Variants in DNMT3A observed in about 807,000 individuals in gnomAD.
The protein encoded by DNMT3A is DNA (cytosine-5)-methyltransferase 3A.
A neutral mutation model predicts 117.6 loss-of-function variants in DNMT3A; 267 were observed. The observed-to-expected ratio is 2.27, with a 90% CI of 2.05 to 2.51. The LOEUF is 2.51. Ranked by LOEUF, DNMT3A falls within the 30% of genes most tolerant of loss-of-function variation. DNMT3A has a pLI of 0.00. For missense variants in DNMT3A, 1,029 were observed against 1,260.2 expected, an observed-to-expected ratio of 0.82 and a Z score of 2.78; for synonymous variants, 432 against 474.8, an observed-to-expected ratio of 0.91 and a Z score of 1.17.
chr2:25,285,644 T>C (rs1001277801), intron 3 of DNMT3A, among the ~76,000 whole-genome samples: 1 of 152,216 alleles, frequency 6.6e-6, no homozygotes, highest in African/African-American at 2.4e-5. Flanking sequence ...CTTGGGCTGA[T>C]GCCAGCAGAG....
rs1043917756 is a variant in DNMT3A, at chr2:25,235,654, C to A, written c.2597+53G>T. On this transcript the variant is annotated intron_variant, in intron 22 of 22. Coordinates refer to ENST00000321117, the MANE Select transcript of DNMT3A (RefSeq NM_022552.5). ...AAAGGCAGAGGACCCCCGCAGCAAG[C>A]ACAGCAATCAGAACAGCCACACCGC... The A allele has an allele frequency of 3.5e-6, 5 of 1,443,042 alleles. No homozygotes were observed. In the South Asian group the frequency reaches 4.6e-5, roughly 13 times the overall value. 89.4% of individuals were successfully genotyped at this position (1,443,042 alleles called of 1,614,324 possible). A position where few individuals can be genotyped will look rare whatever the true frequency, so the allele number is the denominator to read the frequency against.
chr2:25,245,916 G>T, intron 12 of DNMT3A, 104 bp downstream of exon 12: 1 of 1,399,660 alleles, frequency 7.1e-7, no homozygotes, highest in Non-Finnish European at 1.0e-6. Context: ...GTGACACGCA[G>T]GACGTGGCCC....
In DNMT3A at chr2:25,314,091, G is replaced by A; in HGVS notation, c.-107C>T. ...AGGCGAGAGTTAAAACTTAAACATA[G>A]ATCCCGGTGTTGAGCCCTCTGGTGA... On this transcript the variant is annotated 5_prime_UTR_variant, in exon 2 of 23. Coordinates refer to ENST00000321117, the MANE Select transcript of DNMT3A (RefSeq NM_022552.5). 1 of 1,439,314 alleles carries A rather than the reference G, an allele frequency of 6.9e-7. No homozygotes were observed. The highest frequency in any genetic ancestry group is 2.5e-5 in the East Asian group (1 of 39,274). The allele number at this position is 1,439,314 out of a possible 1,614,324, so 89.2% of individuals were successfully genotyped here. A position where few individuals can be genotyped will look rare whatever the true frequency, so the allele number is the denominator to read the frequency against.
At chr2:25,263,271 G>GAAGCTTTCCTGGAGTCCTCCAGA (rs371759502) in intron 6 of DNMT3A, among the ~76,000 whole-genome samples, 12 of 152,090 alleles carry the variant, frequency 7.9e-5, no homozygotes, top group African/African-American at 9.6e-5. Context: ...CCTCCTCCAG[G>GAAGCTTTCCTGGAGTCCTCCAGA]AAGCTTTCCT....
At chr2:25,335,262 T>C (rs1249669525) in intron 1 of DNMT3A, among the ~76,000 whole-genome samples, 1 of 152,224 alleles carries the variant, frequency 6.6e-6, no homozygotes, top group Non-Finnish European at 1.5e-5. Flanking sequence ...TGCATTTATT[T>C]ATCACTTCGG....
chr2:25,270,897 G>A (rs889166606), intron 6 of DNMT3A, among the ~76,000 whole-genome samples: 4 of 152,314 alleles, frequency 2.6e-5, no homozygotes, highest in East Asian at 3.9e-4. Flanking sequence ...GGTGGTGCAC[G>A]CCTGTAATCC....
chr2:25,306,816 G>A lies in DNMT3A; in HGVS notation c.73-6573C>T, dbSNP rs897139141. 3.9e-5 allele frequency among the ~76,000 whole-genome samples: 6 copies of A among 152,208 alleles called. No homozygotes were observed. Among genetic ancestry groups the A allele is most frequent in the Admixed American group, 1.3e-4 (2 of 15,280 alleles). Reference sequence around the variant, plus strand: ...CAAAGATAAACAAATAGGAAACTCGGTTCAGAGGGAGACAACAACATGTAA... The same window carrying A: ...CAAAGATAAACAAATAGGAAACTCGATTCAGAGGGAGACAACAACATGTAA... On this transcript the variant is annotated intron_variant, in intron 2 of 22. Transcript: ENST00000321117. This position sits in a 1 kb window ranked among gnomAD's most constrained non-coding sequence, Gnocchi z 4.1.
chr2:25,241,703 G>C lies in DNMT3A; in HGVS notation c.1941C>G (p.Leu647=), dbSNP rs1573317379. ...GAATGCCCAAGTCCTTCAGCACCAG[G>C]AGCCCTGCACCAGCCAGCAGACAGC... ...LSLFDGIATG[L]LVLKDLGIQV... The change falls in exon 17 of 23, where the codon CTC becomes CTG. Residue 647 remains leucine (L), a synonymous_variant. Coordinates refer to ENST00000321117, the MANE Select transcript of DNMT3A (RefSeq NM_022552.5). The C allele has an allele frequency of 1.2e-6, 2 of 1,613,706 alleles. No individual in the cohort carries two copies. Among genetic ancestry groups the C allele is most frequent in the Non-Finnish European group, 1.7e-6 (2 of 1,179,876 alleles).
chr2:25,300,701 CTAAATAATATAAT>C (rs2033406875), intron 2 of DNMT3A, among the ~76,000 whole-genome samples: 1 of 28,738 alleles, frequency 3.5e-5, no homozygotes, highest in Non-Finnish European at 6.9e-5. Context: ...ATTTATATAT[CTAAATAATATAAT>C]ATATATATAT....
chr2:25,253,980 G>A (rs1675892900), intron 6 of DNMT3A, among the ~76,000 whole-genome samples: 1 of 151,680 alleles, frequency 6.6e-6, no homozygotes, highest in East Asian at 1.9e-4. Flanking sequence ...GCTGAGGCAA[G>A]AGAATCGCTT....
intron 1 of DNMT3A, chr2:25,328,595 CA>C (rs1444863268): frequency 8.3e-6 from 4 of 480,668 alleles, no homozygotes; most frequent in African/African-American, 3.9e-5. Flanking sequence ...CCCCCGCCCA[CA>C]GCTTGTCCCC....
intron 1 of DNMT3A, among the ~76,000 whole-genome samples, chr2:25,334,659 C>T (rs1019637007): frequency 2.6e-5 from 4 of 152,234 alleles, no homozygotes; most frequent in South Asian, 2.1e-4. Context: ...CTGTCCCTGG[C>T]GTGGGCCAGG....
In DNMT3A at chr2:25,302,105, A is replaced by G. The variant is rs564522837; in HGVS notation, c.73-1862T>C. Among the ~76,000 whole-genome samples, 4 of 152,280 alleles carry G rather than the reference A, an allele frequency of 2.6e-5. No individual in the cohort carries two copies. In the South Asian group the frequency reaches 8.3e-4, roughly 32 times the overall value. Reference sequence around the variant, plus strand: ...CAAGTTCTGGGAGGCCTCCAAAGACATGCACATGGAGGGTGAACAGAGGTG... The same window carrying G: ...CAAGTTCTGGGAGGCCTCCAAAGACGTGCACATGGAGGGTGAACAGAGGTG... On this transcript the variant is annotated intron_variant, in intron 2 of 22. Coordinates refer to ENST00000321117, the MANE Select transcript of DNMT3A (RefSeq NM_022552.5).
At chr2:25,340,800 C>G (rs1391313207) in intron 1 of DNMT3A, among the ~76,000 whole-genome samples, 4 of 150,548 alleles carry the variant, frequency 2.7e-5, no homozygotes, top group Non-Finnish European at 5.9e-5. Flanking sequence ...GCGTACCCCC[C>G]CTGCGCCGCT....
chr2:25,309,359 G>T (rs1308597370), intron 2 of DNMT3A, among the ~76,000 whole-genome samples: 1 of 152,258 alleles, frequency 6.6e-6, no homozygotes, highest in African/African-American at 2.4e-5. Flanking sequence ...GGAAGAAATG[G>T]TAAGAAGCTG....
chr2:25,261,601 C>T (rs1268944650), intron 6 of DNMT3A, among the ~76,000 whole-genome samples: 10 of 60,984 alleles, frequency 1.6e-4, no homozygotes, highest in Admixed American at 5.5e-4. Flanking sequence ...AGTGAGACTC[C>T]GTCTCAAAAA....
At position 25,327,999 on chromosome 2, in the gene DNMT3A, G is replaced by C. The variant is rs1449762464; in HGVS notation, c.-178+13827C>G. Among the ~76,000 whole-genome samples the C allele has an allele frequency of 2.0e-5, 3 of 152,162 alleles. No homozygotes were observed. The highest frequency in any genetic ancestry group is 4.2e-4 in the South Asian group (2 of 4,808). On this transcript the variant is annotated intron_variant, in intron 1 of 22. Transcript: ENST00000321117. The surrounding 1 kb of genome is among the most constrained non-coding windows in gnomAD (Gnocchi z 4.1). ...CTTGTGTCTGTGGCACAATAACCTG[G>C]TAGATGCCCTGGAGCGGGTCCACCT... is the stretch of plus-strand genomic sequence containing the variant.
Position 25,313,998 on chromosome 2 carries a change from G to A in DNMT3A, c.-14C>T. 6.5e-7 allele frequency: 1 copy of A among 1,536,040 alleles called. No individual in the cohort carries two copies. Among genetic ancestry groups the A allele is most frequent in the Non-Finnish European group, 8.8e-7 (1 of 1,139,708 alleles). On this transcript the variant is annotated 5_prime_UTR_variant, in exon 2 of 23. Transcript: ENST00000321117. ...CATGGCGGGCATCTGGGCGCCGGGA[G>A]GCAGGCTGGGGCTGCGCGGGGCTGG...
intron 1 of DNMT3A, among the ~76,000 whole-genome samples, chr2:25,333,848 G>T (rs1456848405): frequency 6.6e-6 from 1 of 152,172 alleles, no homozygotes; most frequent in East Asian, 1.9e-4. Context: ...TCTTATCCCC[G>T]ATTTACAGAT....
Sources: gnomAD v4.1 joint callset for allele counts (sites outside exome capture counted in the v4.1 genomes callset) on GRCh38, gnomAD v4.1.1 for gene constraint, Gnocchi (gnomAD v3.1) non-coding constraint, MANE v1.5 for transcripts, NCBI Gene and HGNC (gene_info 2026-07-23, HGNC 2026-07-21) for gene names.